Variants in PCDHGB4 observed in about 807,000 individuals in gnomAD.
The protein encoded by PCDHGB4 is protocadherin gamma-B4.
A neutral mutation model predicts 60.5 loss-of-function variants in PCDHGB4; 38 were observed. The ratio of observed to expected loss-of-function variants is 0.63; its 90% CI spans 0.48 to 0.82. The LOEUF (loss-of-function observed/expected upper bound fraction) is 0.82. PCDHGB4 is among the 40% of genes least tolerant of loss of function. The probability of loss-of-function intolerance (pLI) is 0.00; values close to 1 mark genes in which losing one functional copy is unlikely to be tolerated. For synonymous variants in PCDHGB4, 456 were observed against 509.7 expected (o/e 0.89, Z 1.42); for missense variants, 1,109 against 1,209.6 (o/e 0.92, Z 1.23).
At chr5:141,417,517 T>C (rs2096127273) in intron 1 of PCDHGB4, 1 of 255,788 alleles carries the variant, frequency 3.9e-6, no homozygotes, top group East Asian at 7.9e-5. Flanking sequence ...ATATTTTGGC[T>C]GTCAACTCGT....
Position 141,397,948 on chromosome 5 carries a change from C to T in PCDHGB4, c.2397+7667C>T, listed in dbSNP as rs139631080. The T allele has an allele frequency of 7.9e-4, 721 of 913,614 alleles. 6 individuals are homozygous for T. The African/African-American group carries it at 0.01, about 13-fold the overall frequency. The allele number at this position is 913,614 out of a possible 1,614,324, so 56.6% of individuals were successfully genotyped here. On this transcript the variant is annotated intron_variant, in intron 1 of 3. Coordinates refer to ENST00000519479, the MANE Select transcript of PCDHGB4 (RefSeq NM_003736.4). Reference sequence around the variant, plus strand: ...CGCAGCCGCAGCGCGCTTTCCAGGGCAGCCCCAGCTCAGACTCCCCAGCGC... The same window carrying T: ...CGCAGCCGCAGCGCGCTTTCCAGGGTAGCCCCAGCTCAGACTCCCCAGCGC...
chr5:141,427,994 C>T, intron 1 of PCDHGB4: 1 of 1,599,396 alleles, frequency 6.3e-7, no homozygotes, highest in Non-Finnish European at 8.6e-7. Flanking sequence ...CCGATGGCTC[C>T]GCACTCTTCG....
chr5:141,448,122 C>A (rs1315243727), intron 1 of PCDHGB4, among the ~76,000 whole-genome samples: 1 of 151,820 alleles, frequency 6.6e-6, no homozygotes, highest in Non-Finnish European at 1.5e-5. Context: ...AAATTAGCCT[C>A]CCCCACCCTC....
intron 1 of PCDHGB4, among the ~76,000 whole-genome samples, chr5:141,480,700 C>A (rs1327284592): frequency 1.3e-5 from 2 of 152,192 alleles, no homozygotes; most frequent in Admixed American, 6.5e-5. Flanking sequence ...CCAGGCCACA[C>A]CCCGACAAAT....
At chr5:141,509,570 G>A (rs2099877371) in intron 3 of PCDHGB4, among the ~76,000 whole-genome samples, 1 of 152,232 alleles carries the variant, frequency 6.6e-6, no homozygotes, top group South Asian at 2.1e-4. Flanking sequence ...AGCCTTCACA[G>A]TGCGTACAAA....
chr5:141,403,512 A>G (rs751429629), intron 1 of PCDHGB4: 2 of 1,614,020 alleles, frequency 1.2e-6, no homozygotes, highest in Non-Finnish European at 1.7e-6. Context: ...ACTGGAGACA[A>G]TGGAGCCATA....
intron 1 of PCDHGB4, among the ~76,000 whole-genome samples, chr5:141,444,472 C>T (rs559334960): frequency 2.1e-4 from 32 of 151,968 alleles, no homozygotes; most frequent in Admixed American, 1.5e-3. Flanking sequence ...CGCCCGGTCG[C>T]GTACTGGATT....
intron 1 of PCDHGB4, chr5:141,410,087 G>C (rs1427716409): frequency 6.2e-7 from 1 of 1,612,364 alleles, no homozygotes; most frequent in Admixed American, 1.7e-5. Context: ...GGTGCGCACG[G>C]CTCGAGCCTT....
rs1416755901 is a variant in PCDHGB4 at position 141,489,721 on chromosome 5, G to C, written c.2398-5086G>C. The C allele has an allele frequency of 6.2e-7, 1 of 1,614,016 alleles. No homozygotes were observed. The highest frequency in any genetic ancestry group is 8.5e-7 in the Non-Finnish European group (1 of 1,179,966). On this transcript the variant is annotated intron_variant, in intron 1 of 3. Coordinates refer to ENST00000519479, the MANE Select transcript of PCDHGB4 (RefSeq NM_003736.4). The surrounding 1 kb of genome is among the most constrained non-coding windows in gnomAD (Gnocchi z 4.5). ...CCCACTGGACAGTGCCCAGGATCCGGATGTGGGCACCAATACTGTGAGCTT... is the reference window on the plus strand; with the variant it reads ...CCCACTGGACAGTGCCCAGGATCCGCATGTGGGCACCAATACTGTGAGCTT...
At chr5:141,448,069 T>C (rs1184496754) in intron 1 of PCDHGB4, among the ~76,000 whole-genome samples, 1 of 151,202 alleles carries the variant, frequency 6.6e-6, no homozygotes, top group Non-Finnish European at 1.5e-5. Context: ...CTGGGCAACA[T>C]GAACGAAATG....
rs746989617 is a variant in PCDHGB4 at position 141,422,853 on chromosome 5, C to G, written c.2397+32572C>G. On this transcript the variant is annotated intron_variant, in intron 1 of 3. Transcript: ENST00000519479. ...TAGCACGTGACAGCGGGGACCCGCC[C>G]CTCAGCAGCAACGTGTCGCTGAGCC... 16 of 1,614,146 alleles carry G rather than the reference C, an allele frequency of 9.9e-6. 1 individual carries two copies. In the South Asian group the frequency reaches 1.6e-4, roughly 17 times the overall value.
intron 1 of PCDHGB4, among the ~76,000 whole-genome samples, chr5:141,450,832 T>TTATTA (rs764784095): frequency 5.6e-5 from 8 of 142,316 alleles, no homozygotes; most frequent in African/African-American, 2.2e-4. Context: ...TATTATTATT[T>TTATTA]TTTTTTTTTT....
chr5:141,485,239 C>T lies in PCDHGB4; in HGVS notation c.2398-9568C>T. ...GGGCTACCCTTTTGTTCCTCTTTTA[C>T]CACCTGGGTTACGTTTGTGGGCAGA... On this transcript the variant is annotated intron_variant, in intron 1 of 3. Transcript: ENST00000519479. This position sits in a 1 kb window ranked among gnomAD's most constrained non-coding sequence, Gnocchi z 5.7. The T allele has an allele frequency of 6.2e-7, 1 of 1,614,140 alleles. No homozygotes were observed. Among genetic ancestry groups the T allele is most frequent in the South Asian group, 1.1e-5 (1 of 91,072 alleles).
At chr5:141,433,320 T>A in intron 1 of PCDHGB4, 1 of 792,046 alleles carries the variant, frequency 1.3e-6, no homozygotes, top group Non-Finnish European at 2.0e-6. Flanking sequence ...TTGCCTCCGG[T>A]GTAACAGGGA....
intron 1 of PCDHGB4, among the ~76,000 whole-genome samples, chr5:141,449,588 C>CAA (rs768743917): frequency 2.4e-4 from 14 of 57,430 alleles, no homozygotes; most frequent in Non-Finnish European, 3.7e-4. Flanking sequence ...GACTCTGTCT[C>CAA]AAAAAAAAAA....
chr5:141,490,589 A>G lies in PCDHGB4; in HGVS notation c.2398-4218A>G, dbSNP rs761250654. On this transcript the variant is annotated intron_variant, in intron 1 of 3. Transcript: ENST00000519479. The surrounding 1 kb of genome is among the most constrained non-coding windows in gnomAD (Gnocchi z 5.4). ...CTCAACATTTCAGATGTCAATGACA[A>G]TGCACCCCGCTTCAACCAGCAGCTT... The G allele has an allele frequency of 5.7e-5, 92 of 1,614,042 alleles. No individual in the cohort carries two copies. Among genetic ancestry groups the G allele is most frequent in the Non-Finnish European group, 7.6e-5 (90 of 1,180,036 alleles).
chr5:141,393,071 C>G (rs927273885), intron 1 of PCDHGB4: 1 of 1,613,680 alleles, frequency 6.2e-7, no homozygotes, highest in Non-Finnish European at 8.5e-7. Context: ...GCTTGATCAC[C>G]GCGGGCAGGA....
chr5:141,458,718 C>T (rs569153299), intron 1 of PCDHGB4, among the ~76,000 whole-genome samples: 3 of 151,942 alleles, frequency 2.0e-5, no homozygotes, highest in African/African-American at 4.8e-5. Context: ...TACAGGTATT[C>T]GCCACCACAT....
intron 1 of PCDHGB4, chr5:141,403,682 C>T (rs1456832899): frequency 1.3e-5 from 21 of 1,613,810 alleles, no homozygotes; most frequent in Non-Finnish European, 1.1e-5. Flanking sequence ...GGTTTTTGCT[C>T]AACGGATTTA....
Sources: gnomAD v4.1 joint callset for allele counts (sites outside exome capture counted in the v4.1 genomes callset) on GRCh38, gnomAD v4.1.1 for gene constraint, Gnocchi (gnomAD v3.1) non-coding constraint, MANE v1.5 for transcripts, NCBI Gene and HGNC (gene_info 2026-07-23, HGNC 2026-07-21) for gene names.